FAM81B: variants seen among roughly 807,000 people sequenced by gnomAD.
The protein encoded by FAM81B is protein FAM81B.
In FAM81B, 60 loss-of-function variants were observed where a neutral mutation model predicts 58.7. The observed-to-expected ratio is 1.02, with a 90% CI of 0.83 to 1.27. The LOEUF (loss-of-function observed/expected upper bound fraction) is 1.27. Among genes scored for constraint, FAM81B ranks in the 50% most tolerant of loss-of-function variants. FAM81B has a pLI of 0.00. For synonymous variants in FAM81B, 189 were observed against 179.6 expected, an observed-to-expected ratio of 1.05 and a Z score of -0.42; for missense variants, 491 against 522.0, an observed-to-expected ratio of 0.94 and a Z score of 0.58.
chr5:95,402,379 GTGCT>G (rs1206751042), intron 3 of FAM81B, among the ~76,000 whole-genome samples: 1 of 152,114 alleles, frequency 6.6e-6, no homozygotes, highest in Non-Finnish European at 1.5e-5. Flanking sequence ...CCATCATTTG[GTGCT>G]TCATTAAACC....
chr5:95,407,640 T>G (rs555504827), intron 3 of FAM81B, among the ~76,000 whole-genome samples: 5 of 152,354 alleles, frequency 3.3e-5, no homozygotes, highest in South Asian at 4.1e-4. Context: ...TGTCTGAATT[T>G]TCAGTGTTGA....
At chr5:95,448,902 A>G in intron 9 of FAM81B, 1 of 329,532 alleles carries the variant, frequency 3.0e-6, no homozygotes, top group Non-Finnish European at 5.9e-6. Context: ...AGAAGTGAGA[A>G]AGAGGGATGA....
chr5:95,404,184 T>C (rs1762185450), intron 3 of FAM81B, among the ~76,000 whole-genome samples: 1 of 152,164 alleles, frequency 6.6e-6, no homozygotes, highest in Non-Finnish European at 1.5e-5. Flanking sequence ...ACCACTAGGC[T>C]ATGTGTCACC....
chr5:95,434,704 C>T (rs1745032559), intron 6 of FAM81B, among the ~76,000 whole-genome samples: 2 of 152,150 alleles, frequency 1.3e-5, no homozygotes, highest in Non-Finnish European at 2.9e-5. Flanking sequence ...TTTTAAACTT[C>T]GTGAAATGAA....
chr5:95,398,165 T>A (rs1762010613), intron 3 of FAM81B, among the ~76,000 whole-genome samples: 1 of 152,152 alleles, frequency 6.6e-6, no homozygotes, highest in African/African-American at 2.4e-5. Flanking sequence ...ACATCTATAA[T>A]CCCAGCACTT....
chr5:95,409,669 A>G (rs1425491057), intron 3 of FAM81B, among the ~76,000 whole-genome samples: 1 of 152,158 alleles, frequency 6.6e-6, no homozygotes, highest in Non-Finnish European at 1.5e-5. Flanking sequence ...GATTCTGCTG[A>G]CCTTCACTGG....
intron 5 of FAM81B, chr5:95,424,317 TAG>T: frequency 1.0e-6 from 1 of 997,062 alleles, no homozygotes. Context: ...AGACAGATAA[TAG>T]ATACATAAAA....
At position 95,446,542 on chromosome 5, in the gene FAM81B, C is replaced by G; in HGVS notation, c.894-20C>G. The G allele has an allele frequency of 1.3e-6, 2 of 1,547,198 alleles. No homozygotes were observed. Among genetic ancestry groups the G allele is most frequent in the South Asian group, 2.5e-5 (2 of 80,974 alleles). The stretch of plus-strand genomic sequence containing the variant: ...TTTAAATTAACTTATTTAAATGAAA[C>G]AAAACATTTTTTCCCATAGATTTCA... On this transcript the variant is annotated intron_variant, in intron 7 of 9. Transcript: ENST00000283357.
At chr5:95,435,785 CTTTAT>C (rs1004691980) in intron 6 of FAM81B, among the ~76,000 whole-genome samples, 97 of 152,230 alleles carry the variant, frequency 6.4e-4, no homozygotes, top group African/African-American at 2.0e-3. Flanking sequence ...TGCTCTGCTG[CTTTAT>C]TTTCCTTTGC....
chr5:95,401,398 C>T (rs1372163019), intron 3 of FAM81B, among the ~76,000 whole-genome samples: 1 of 152,168 alleles, frequency 6.6e-6, no homozygotes, highest in African/African-American at 2.4e-5. Context: ...CCTCACCCCC[C>T]AGAGCATTCA....
intron 1 of FAM81B, 88 bp downstream of exon 1, chr5:95,391,601 T>G: frequency 7.1e-7 from 1 of 1,415,918 alleles, no homozygotes; most frequent in East Asian, 2.3e-5. Context: ...AAATAATGAA[T>G]CCCAATGAAG....
chr5:95,448,724 A>C, intron 9 of FAM81B: 1 of 473,512 alleles, frequency 2.1e-6, no homozygotes. Flanking sequence ...TACTAAGATC[A>C]TGGAATTTTT....
At chr5:95,444,399 G>A in intron 7 of FAM81B, among the ~76,000 whole-genome samples, 1 of 152,270 alleles carries the variant, frequency 6.6e-6, no homozygotes, top group East Asian at 1.9e-4. Flanking sequence ...TTCAAATAAG[G>A]AGAAAGAGTT....
At chr5:95,446,760 G>A (rs1745583328) in intron 8 of FAM81B, 63 bp downstream of exon 8, 1 of 1,568,048 alleles carries the variant, frequency 6.4e-7, no homozygotes, top group African/African-American at 1.4e-5. Flanking sequence ...AGTGAGTAAA[G>A]GTCTGGGAAT....
intron 9 of FAM81B, 65 bp downstream of exon 9, chr5:95,448,529 C>T: frequency 6.9e-7 from 1 of 1,450,326 alleles, no homozygotes; most frequent in Non-Finnish European, 9.3e-7. Flanking sequence ...CTCAGTCTTC[C>T]ACTTTGAGCT....
At chr5:95,435,638 C>T (rs1053150711) in intron 6 of FAM81B, among the ~76,000 whole-genome samples, 3 of 152,008 alleles carry the variant, frequency 2.0e-5, no homozygotes, top group Admixed American at 6.6e-5. Context: ...AAAGCTGTTG[C>T]TTTTTTGCTC....
chr5:95,450,280 TA>T lies in FAM81B; in HGVS notation c.*1del, dbSNP rs1463714420. 2 of 1,611,456 alleles carry T rather than the reference TA, an allele frequency of 1.2e-6. No homozygotes were observed. Among genetic ancestry groups the T allele is most frequent in the African/African-American group, 2.7e-5 (2 of 74,730 alleles). On this transcript the variant is annotated frameshift_variant and stop_lost, in exon 10 of 10. Coordinates refer to ENST00000283357, the MANE Select transcript of FAM81B (RefSeq NM_152548.3). LOFTEE classifies it high-confidence loss of function. ...QRKIVELQEV[*>X] ...CAAGATAGTGGAACTCCAGGAAGTA[TA>T]AACCTTTTCAGTCATCTTCTTTTTC... is the stretch of plus-strand genomic sequence containing the variant.
intron 3 of FAM81B, among the ~76,000 whole-genome samples, chr5:95,409,404 C>T (rs1249638163): frequency 6.6e-6 from 1 of 151,964 alleles, no homozygotes; most frequent in Admixed American, 6.6e-5. Flanking sequence ...AGTGATCTGC[C>T]CACCTCAGCC....
chr5:95,442,358 T>C (rs1364529078), intron 7 of FAM81B, among the ~76,000 whole-genome samples: 1 of 152,206 alleles, frequency 6.6e-6, no homozygotes, highest in Non-Finnish European at 1.5e-5. Flanking sequence ...GTAATCGTCA[T>C]TTATGAATGC....
Sources: allele counts gnomAD v4.1 joint callset (sites outside exome capture counted in the v4.1 genomes callset), GRCh38; gene constraint gnomAD v4.1.1; transcripts MANE v1.5; gene names NCBI Gene and HGNC (gene_info 2026-07-23, HGNC 2026-07-21).